The following SEC14L2 variants were observed in gnomAD, a reference collection of about 807,000 sequenced individuals.
The protein encoded by SEC14L2 is SEC14-like protein 2.
Under a neutral mutation model 56.9 loss-of-function variants are expected in SEC14L2, and 50 were observed. The ratio of observed to expected loss-of-function variants is 0.88; its 90% CI spans 0.70 to 1.11. The LOEUF is 1.11. Ranked by LOEUF, SEC14L2 falls within the 50% of genes most tolerant of loss-of-function variation. The pLI is 0.00. For synonymous variants in SEC14L2, 179 were observed against 188.5 expected (o/e 0.95, Z 0.41); for missense variants, 414 against 500.7 (o/e 0.83, Z 1.65).
intron 2 of SEC14L2, chr22:30,400,227 G>C (rs1933887823): frequency 6.5e-6 from 1 of 153,574 alleles, no homozygotes; most frequent in African/African-American, 2.4e-5. Context: ...GCCTGACCTA[G>C]AGTGACAAGA....
Position 30,425,069 on chromosome 22 carries a change from G to T in SEC14L2, c.*2662G>T. On this transcript the variant is annotated 3_prime_UTR_variant, in exon 12 of 12. Transcript: ENST00000615189. Reference sequence around the variant, plus strand: ...GTTCACTCCTCTAGCCTCATTTAGAGCTCGCATTAAGAGCACGGGATCTGG... The same window carrying T: ...GTTCACTCCTCTAGCCTCATTTAGATCTCGCATTAAGAGCACGGGATCTGG... The T allele has an allele frequency of 1.5e-5, 4 of 268,866 alleles. No homozygotes were observed. Among genetic ancestry groups the T allele is most frequent in the Non-Finnish European group, 2.3e-5 (3 of 132,914 alleles). The allele number at this position is 268,866 out of a possible 1,614,324, so 16.7% of individuals were successfully genotyped here. A position where few individuals can be genotyped will look rare whatever the true frequency, so the allele number is the denominator to read the frequency against.
At chr22:30,411,302 G>C (rs535888612) in intron 8 of SEC14L2, among the ~76,000 whole-genome samples, 1 of 152,132 alleles carries the variant, frequency 6.6e-6, no homozygotes, top group Admixed American at 6.5e-5. Flanking sequence ...ATATAAACTA[G>C]AAAAGACAGT....
chr22:30,413,286 G>A (rs1934302058), intron 8 of SEC14L2, among the ~76,000 whole-genome samples: 1 of 152,172 alleles, frequency 6.6e-6, no homozygotes, highest in Non-Finnish European at 1.5e-5. Flanking sequence ...TGGATATGCA[G>A]GGAAGTAGGG....
At chr22:30,412,854 A>C (rs1934289042) in intron 8 of SEC14L2, among the ~76,000 whole-genome samples, 1 of 150,848 alleles carries the variant, frequency 6.6e-6, no homozygotes, top group African/African-American at 2.5e-5. Flanking sequence ...AAAACAAAAA[A>C]AAAACAAAAA....
rs553941189 is a variant in SEC14L2 at position 30,415,153 on chromosome 22, C to T, written c.665-606C>T. Among the ~76,000 whole-genome samples, 274 of 152,188 alleles carry T rather than the reference C, an allele frequency of 1.8e-3. 2 individuals are homozygous for T. Among genetic ancestry groups the T allele is most frequent in the African/African-American group, 6.3e-3 (263 of 41,520 alleles). Reference sequence around the variant, plus strand: ...TTATGGTTTAAAAAGCCCTCTCGGCCGGGCGCAGTGGCTCATGCCTGTAAT... The same window carrying T: ...TTATGGTTTAAAAAGCCCTCTCGGCTGGGCGCAGTGGCTCATGCCTGTAAT... On this transcript the variant is annotated intron_variant, in intron 8 of 11. Transcript: ENST00000615189.
intron 5 of SEC14L2, 55 bp from the exon 6 acceptor site, chr22:30,409,132 C>A: frequency 6.8e-7 from 1 of 1,479,110 alleles, no homozygotes; most frequent in Non-Finnish European, 9.5e-7. Context: ...TGGACTGGAA[C>A]GGGCTTCTGA....
chr22:30,404,170 G>A (rs1278047335), intron 2 of SEC14L2, among the ~76,000 whole-genome samples: 1 of 152,098 alleles, frequency 6.6e-6, no homozygotes, highest in African/African-American at 2.4e-5. Context: ...CTTATCAGAT[G>A]ATTTGGTCAG....
rs778070650 is a variant in SEC14L2 at position 30,411,979 on chromosome 22, G to C, written c.664+1300G>C. 3.3e-5 allele frequency among the ~76,000 whole-genome samples: 5 copies of C among 152,152 alleles called. No homozygotes were observed. In the East Asian group the frequency reaches 9.6e-4, roughly 29 times the overall value. On this transcript the variant is annotated intron_variant, in intron 8 of 11. Coordinates refer to ENST00000615189, the MANE Select transcript of SEC14L2 (RefSeq NM_012429.5). The stretch of plus-strand genomic sequence containing the variant: ...GCCAGATGGAGCAAGGCAGGAAGCT[G>C]CTTGGCAGAAAGAAGAGCATTGAAC...
chr22:30,403,367 G>T (rs541217888), intron 2 of SEC14L2, among the ~76,000 whole-genome samples: 1 of 152,342 alleles, frequency 6.6e-6, no homozygotes, highest in South Asian at 2.1e-4. Context: ...ACAAGGAAGT[G>T]GTGGAAGCCC....
At chr22:30,413,685 A>C (rs1934312792) in intron 8 of SEC14L2, among the ~76,000 whole-genome samples, 1 of 152,154 alleles carries the variant, frequency 6.6e-6, no homozygotes, top group African/African-American at 2.4e-5. Context: ...GACACACGAG[A>C]ATTGGAGATT....
At chr22:30,403,881 T>G (rs1178531636) in intron 2 of SEC14L2, among the ~76,000 whole-genome samples, 1 of 151,338 alleles carries the variant, frequency 6.6e-6, no homozygotes, top group Non-Finnish European at 1.5e-5. Flanking sequence ...CGGGCGCCTG[T>G]AGTCCCAGCT....
chr22:30,421,458 T>C (rs993053085), intron 11 of SEC14L2: 3 of 152,266 alleles, frequency 2.0e-5, no homozygotes, highest in African/African-American at 7.2e-5. Context: ...CTGTCACTTC[T>C]GTGGAGCTAA....
chr22:30,409,415 T>C lies in SEC14L2; in HGVS notation c.520-11T>C, dbSNP rs943972634. On this transcript the variant is annotated splice_polypyrimidine_tract_variant and intron_variant, in intron 6 of 11. Transcript: ENST00000615189. ...AGCCTGCTGGAATCAAGAGTGATTT[T>C]GTTTCCACAGTTTCTCTGCATGTTT... 6.2e-7 allele frequency: 1 copy of C among 1,614,098 alleles called. No homozygotes were observed. The highest frequency in any genetic ancestry group is 8.5e-7 in the Non-Finnish European group (1 of 1,179,938).
chr22:30,412,334 C>T (rs1313358479), intron 8 of SEC14L2, among the ~76,000 whole-genome samples: 1 of 152,050 alleles, frequency 6.6e-6, no homozygotes, highest in African/African-American at 2.4e-5. Context: ...TTTGTATCTG[C>T]CTTCCCAGAG....
intron 8 of SEC14L2, among the ~76,000 whole-genome samples, chr22:30,414,967 A>G (rs144943595): frequency 0.03 from 4,496 of 152,232 alleles, 115 homozygotes; most frequent in South Asian, 0.098. Context: ...TGTTCAGTAT[A>G]ATCAGGACAG....
chr22:30,422,507 T>C lies in SEC14L2; in HGVS notation c.*100T>C. The C allele has an allele frequency of 6.8e-7, 1 of 1,478,358 alleles. No individual in the cohort carries two copies. The highest frequency in any genetic ancestry group is 1.4e-5 in the African/African-American group (1 of 71,538). The allele number at this position is 1,478,358 out of a possible 1,614,324, so 91.6% of individuals were successfully genotyped here. ...GCACAACCCTGAAGCCCAAAGAAAC[T>C]GGGCTGGAGGACAGACCTCAGGAGC... On this transcript the variant is annotated 3_prime_UTR_variant, in exon 12 of 12. Transcript: ENST00000615189.
At chr22:30,398,146 G>A (rs1601766868) in intron 1 of SEC14L2, among the ~76,000 whole-genome samples, 1 of 152,224 alleles carries the variant, frequency 6.6e-6, no homozygotes, top group Admixed American at 6.5e-5. Flanking sequence ...CTCTGTCCCA[G>A]GCTGGGCCTC....
At chr22:30,410,527 T>A in intron 7 of SEC14L2, 69 bp from the exon 8 acceptor site, 2 of 1,434,836 alleles carry the variant, frequency 1.4e-6, no homozygotes, top group Non-Finnish European at 2.0e-6. Flanking sequence ...TAGCAGGTGC[T>A]GCAGAGGACG....
chr22:30,412,976 C>A (rs1934292777), intron 8 of SEC14L2, among the ~76,000 whole-genome samples: 1 of 151,908 alleles, frequency 6.6e-6, no homozygotes, highest in East Asian at 1.9e-4. Context: ...GAGATGGTGA[C>A]GCATTAGTTC....
Sources: gnomAD v4.1 joint callset for allele counts (sites outside exome capture counted in the v4.1 genomes callset) on GRCh38, gnomAD v4.1.1 for gene constraint, MANE v1.5 for transcripts, NCBI Gene and HGNC (gene_info 2026-07-23, HGNC 2026-07-21) for gene names.